SNX27: variants seen among roughly 807,000 people sequenced by gnomAD.
SNX27 encodes sorting nexin 27.
A neutral mutation model predicts 71.6 loss-of-function variants in SNX27; 22 were observed. The observed-to-expected ratio is 0.31, with a 90% CI of 0.22 to 0.44. The LOEUF is 0.44. SNX27 is among the 20% of genes least tolerant of loss of function. SNX27 has a pLI of 1.00. For synonymous variants in SNX27, 269 were observed against 277.2 expected (o/e 0.97, Z 0.29); for missense variants, 531 against 698.6 (o/e 0.76, Z 2.70).
At chr1:151,692,186 T>C (rs1373268666) in intron 8 of SNX27, among the ~76,000 whole-genome samples, 1 of 152,032 alleles carries the variant, frequency 6.6e-6, no homozygotes, top group Non-Finnish European at 1.5e-5. Context: ...ATCATGCTAC[T>C]GCACTCCAGC....
rs1671850591 is a variant in SNX27, at chr1:151,697,875, T to A, written c.*3458T>A. On this transcript the variant is annotated 3_prime_UTR_variant, in exon 12 of 12. Transcript: ENST00000458013. ...CCTCCTGGTCTCTCACTGGCCTTCC[T>A]CCACACTTGGTTTCTATCCTCAGGG... 1.3e-5 allele frequency: 2 copies of A among 152,536 alleles called. No individual in the cohort carries two copies. 9.4% of individuals were successfully genotyped at this position (152,536 alleles called of 1,614,324 possible).
At chr1:151,675,335 C>G (rs1670635447) in intron 7 of SNX27, among the ~76,000 whole-genome samples, 1 of 152,110 alleles carries the variant, frequency 6.6e-6, no homozygotes, top group African/African-American at 2.4e-5. Flanking sequence ...TGGAAGCCCT[C>G]TTTTAGGAAC....
rs1671918795 is a variant in SNX27, at chr1:151,699,024, C to T, written c.*4607C>T. 6.6e-6 allele frequency: 1 copy of T among 152,616 alleles called. No individual in the cohort carries two copies. Among genetic ancestry groups the T allele is most frequent in the Admixed American group, 6.5e-5 (1 of 15,276 alleles). 9.5% of individuals were successfully genotyped at this position (152,616 alleles called of 1,614,324 possible). On this transcript the variant is annotated 3_prime_UTR_variant, in exon 12 of 12. Coordinates refer to ENST00000458013, the MANE Select transcript of SNX27 (RefSeq NM_001330723.2). Reference sequence around the variant, plus strand: ...ACTCTAAAATTGTTTGGTAATGTCACTTAGTGTAATTAATTGTAACATATT... The same window carrying T: ...ACTCTAAAATTGTTTGGTAATGTCATTTAGTGTAATTAATTGTAACATATT...
intron 1 of SNX27, among the ~76,000 whole-genome samples, chr1:151,620,001 C>T (rs1667600126): frequency 6.6e-6 from 1 of 152,180 alleles, no homozygotes; most frequent in African/African-American, 2.4e-5. Context: ...GGTGGGGAGA[C>T]AGCTCATACA....
At chr1:151,694,287 C>T in intron 11 of SNX27, 83 bp from the exon 12 acceptor site, 3 of 1,537,588 alleles carry the variant, frequency 2.0e-6, no homozygotes, top group Non-Finnish European at 2.6e-6. Flanking sequence ...TCCAGGCATA[C>T]CTTTTTAGCT....
intron 7 of SNX27, chr1:151,669,102 A>T (rs1670343735): frequency 6.6e-6 from 1 of 152,250 alleles, no homozygotes; most frequent in Admixed American, 6.5e-5. Flanking sequence ...CTATGTCTCC[A>T]TTATAACTTG....
intron 2 of SNX27, among the ~76,000 whole-genome samples, chr1:151,639,760 C>T (rs376940928): frequency 3.9e-5 from 6 of 152,122 alleles, no homozygotes; most frequent in Admixed American, 2.0e-4. Context: ...TGTGCTAGCC[C>T]CTTTGCTGAA....
At chr1:151,653,395 G>A (rs1669526391) in intron 2 of SNX27, among the ~76,000 whole-genome samples, 1 of 152,098 alleles carries the variant, frequency 6.6e-6, no homozygotes, top group Non-Finnish European at 1.5e-5. Flanking sequence ...AGTTAAGCTG[G>A]GCTTGAATTT....
intron 1 of SNX27, among the ~76,000 whole-genome samples, chr1:151,624,247 T>C (rs1667814979): frequency 6.6e-6 from 1 of 151,852 alleles, no homozygotes; most frequent in South Asian, 2.1e-4. Flanking sequence ...ATTACAGGAG[T>C]GAGCCACCTC....
At chr1:151,679,692 A>G (rs906150352) in intron 7 of SNX27, 3 of 152,242 alleles carry the variant, frequency 2.0e-5, no homozygotes, top group Non-Finnish European at 4.4e-5. Flanking sequence ...AAAATTTTGC[A>G]AGAAAGGAAG....
chr1:151,665,148 T>G (rs1301826615), intron 5 of SNX27, among the ~76,000 whole-genome samples: 1 of 152,194 alleles, frequency 6.6e-6, no homozygotes, highest in African/African-American at 2.4e-5. Context: ...TTACTTATAT[T>G]GAGGTTGATC....
At chr1:151,671,236 C>CTTT (rs34972986) in intron 7 of SNX27, among the ~76,000 whole-genome samples, 7 of 138,854 alleles carry the variant, frequency 5.0e-5, no homozygotes, top group African/African-American at 1.9e-4. Flanking sequence ...CAGTTTTGTT[C>CTTT]TTTTTTTTTT....
chr1:151,678,669 A>G (rs1373034562), intron 7 of SNX27: 2 of 151,952 alleles, frequency 1.3e-5, no homozygotes, highest in African/African-American at 2.4e-5. Context: ...CTGCTATACT[A>G]TTTTCCATAG....
intron 5 of SNX27, among the ~76,000 whole-genome samples, chr1:151,662,908 A>G (rs1312144970): frequency 6.8e-6 from 1 of 146,088 alleles, no homozygotes; most frequent in African/African-American, 2.4e-5. Context: ...TGCGTTATGT[A>G]TGTCTTTTTT....
chr1:151,651,048 A>C (rs920144486), intron 2 of SNX27, among the ~76,000 whole-genome samples: 1,660 of 151,538 alleles, frequency 0.011, 11 homozygotes, highest in Non-Finnish European at 0.017. Context: ...TCTTTTCCCC[A>C]CCTTTCCCGC....
intron 7 of SNX27, 111 bp from the exon 8 acceptor site, chr1:151,683,245 T>G (rs1459871664): frequency 1.3e-6 from 1 of 765,284 alleles, no homozygotes; most frequent in Non-Finnish European, 2.1e-6. Flanking sequence ...ATGATGGTGG[T>G]CCAAGTGGAT....
chr1:151,647,941 C>T (rs1669123667), intron 2 of SNX27, among the ~76,000 whole-genome samples: 1 of 151,314 alleles, frequency 6.6e-6, no homozygotes, highest in South Asian at 2.1e-4. Flanking sequence ...GTTGTAAAGG[C>T]ATTAAGATGT....
chr1:151,613,545 C>A (rs1223223773), intron 1 of SNX27, among the ~76,000 whole-genome samples: 1 of 152,052 alleles, frequency 6.6e-6, no homozygotes, highest in Non-Finnish European at 1.5e-5. Context: ...GTCTTTCCCT[C>A]CCCTAGGCTG....
chr1:151,646,119 C>A (rs1669022834), intron 2 of SNX27, among the ~76,000 whole-genome samples: 1 of 152,046 alleles, frequency 6.6e-6, no homozygotes, highest in East Asian at 1.9e-4. Context: ...TGGTAATATT[C>A]TTTGTTCTGA....
Sources: allele counts gnomAD v4.1 joint callset (sites outside exome capture counted in the v4.1 genomes callset), GRCh38; gene constraint gnomAD v4.1.1; transcripts MANE v1.5; gene names NCBI Gene and HGNC (gene_info 2026-07-23, HGNC 2026-07-21).